The following TOPBP1 variants were observed in gnomAD, a reference collection of about 807,000 sequenced individuals.
TOPBP1 encodes DNA topoisomerase 2-binding protein 1.
In TOPBP1, 28 loss-of-function variants were observed where a neutral mutation model predicts 167.7. That is an observed-to-expected ratio of 0.17 (90% CI 0.12 to 0.23). The LOEUF (loss-of-function observed/expected upper bound fraction) is 0.23. Among genes scored for constraint, TOPBP1 ranks in the 10% least tolerant of loss-of-function variants. The pLI is 1.00. For synonymous variants in TOPBP1, 598 were observed against 611.4 expected (o/e 0.98, Z 0.32); for missense variants, 1,554 against 1,809.6 (o/e 0.86, Z 2.56).
At chr3:133,604,626 A>G (rs1321831531) in intron 27 of TOPBP1, among the ~76,000 whole-genome samples, 1 of 151,920 alleles carries the variant, frequency 6.6e-6, no homozygotes, top group African/African-American at 2.4e-5. Flanking sequence ...AACCACATAT[A>G]AAGAAAACTC....
chr3:133,618,161 G>C (rs1246157829), intron 21 of TOPBP1, 52 bp downstream of exon 21: 3 of 1,438,402 alleles, frequency 2.1e-6, no homozygotes, highest in East Asian at 2.3e-5. Context: ...TTATTTTTAA[G>C]AGGTCAACAT....
chr3:133,634,536 A>G (rs1935602719), intron 14 of TOPBP1, among the ~76,000 whole-genome samples: 1 of 152,130 alleles, frequency 6.6e-6, no homozygotes, highest in South Asian at 2.1e-4. Flanking sequence ...GATAAAAGAT[A>G]AAAGAAAAAT....
At chr3:133,608,405 G>T in intron 27 of TOPBP1, 130 bp downstream of exon 27, 1 of 984,158 alleles carries the variant, frequency 1.0e-6, no homozygotes, top group Non-Finnish European at 1.5e-6. Context: ...GAAAGGGCTG[G>T]AATAGAAGAG....
chr3:133,617,054 T>TA (rs1468524806), intron 22 of TOPBP1, 106 bp downstream of exon 22: 2 of 1,415,136 alleles, frequency 1.4e-6, no homozygotes, highest in East Asian at 4.7e-5. Context: ...ATGCAAAAAA[T>TA]AGTTTTCAAC....
intron 11 of TOPBP1, 116 bp downstream of exon 11, chr3:133,643,904 G>T: frequency 9.2e-7 from 1 of 1,085,354 alleles, no homozygotes; most frequent in Non-Finnish European, 1.3e-6. Flanking sequence ...AAAATCAAGA[G>T]TGTTCAAGTC....
chr3:133,640,681 T>A lies in TOPBP1; in HGVS notation c.2022-511A>T, dbSNP rs144529385. 6.5e-3 allele frequency among the ~76,000 whole-genome samples: 994 copies of A among 152,236 alleles called. 8 individuals are homozygous for A. The highest frequency in any genetic ancestry group is 8.8e-3 in the Non-Finnish European group (597 of 68,008). On this transcript the variant is annotated intron_variant, in intron 12 of 27. Coordinates refer to ENST00000260810, the MANE Select transcript of TOPBP1 (RefSeq NM_007027.4). ...CTGCCTCAGCCTCCTAAAGTTGGGA[T>A]TACAGGCGTGAACCACCTCACACAG...
intron 10 of TOPBP1, among the ~76,000 whole-genome samples, chr3:133,645,407 A>G (rs1414616073): frequency 6.6e-6 from 1 of 152,218 alleles, no homozygotes; most frequent in Non-Finnish European, 1.5e-5. Flanking sequence ...TATACTTATA[A>G]TTTACAGATA....
chr3:133,601,274 T>C lies in TOPBP1; in HGVS notation c.4545A>G (p.Lys1515=), dbSNP rs149550705. ...QKRKAPTEKN[K]IKRPRVH ...ATTAGTGTACTCTAGGTCGTTTGAT[T>C]TTATTTTTTTCTGTAGGAGCTTTCC... The change falls in exon 28 of 28, where the codon AAA becomes AAG. Residue 1515 remains lysine, a synonymous_variant. Coordinates refer to ENST00000260810, the MANE Select transcript of TOPBP1 (RefSeq NM_007027.4). 736 of 1,606,068 alleles carry C rather than the reference T, an allele frequency of 4.6e-4. 1 individual carries two copies. The African/African-American group carries it at 8.6e-3, about 19-fold the overall frequency.
At chr3:133,623,515 T>C (rs1322634209) in intron 17 of TOPBP1, 58 bp from the exon 18 acceptor site, 2 of 1,525,566 alleles carry the variant, frequency 1.3e-6, no homozygotes, top group Non-Finnish European at 8.8e-7. Flanking sequence ...GAATAGATGA[T>C]GTTAAGTAGG....
At chr3:133,639,233 T>C (rs1235338207) in intron 13 of TOPBP1, among the ~76,000 whole-genome samples, 2 of 152,302 alleles carry the variant, frequency 1.3e-5, no homozygotes, top group African/African-American at 4.8e-5. Flanking sequence ...AATGATAGAC[T>C]GGATTAAGAA....
chr3:133,623,977 T>G, intron 17 of TOPBP1, 75 bp downstream of exon 17: 22 of 1,492,896 alleles, frequency 1.5e-5, no homozygotes, highest in African/African-American at 2.8e-5. Flanking sequence ...TGAAAACTCT[T>G]GAGTTAGTGC....
intron 16 of TOPBP1, among the ~76,000 whole-genome samples, chr3:133,625,894 C>T (rs187657614): frequency 2.0e-3 from 311 of 152,224 alleles, no homozygotes; most frequent in African/African-American, 6.9e-3. Flanking sequence ...TCCCTTTCTG[C>T]GTAGTGGTAT....
intron 14 of TOPBP1, among the ~76,000 whole-genome samples, chr3:133,633,201 C>T (rs1451361790): frequency 2.6e-5 from 4 of 152,142 alleles, no homozygotes; most frequent in South Asian, 2.1e-4. Flanking sequence ...TCAATGTCTC[C>T]GATTCTTCTC....
chr3:133,620,372 T>C, intron 19 of TOPBP1, 25 bp from the exon 20 acceptor site: 4 of 1,598,270 alleles, frequency 2.5e-6, no homozygotes, highest in Non-Finnish European at 3.4e-6. Context: ...AAATACACCA[T>C]TCAAGGTAAG....
chr3:133,643,310 A>G lies in TOPBP1; in HGVS notation c.1911T>C (p.Val637=), dbSNP rs17301889. The change falls in exon 12 of 28, where the codon GTT becomes GTC. Residue 637 remains valine, a synonymous_variant. Coordinates refer to ENST00000260810, the MANE Select transcript of TOPBP1 (RefSeq NM_007027.4). Reference sequence around the variant, plus strand: ...AAGGAGTCATTCCTGTCATTACTGGAACTGGTGTGAAGAGAGGATTCGACT... The same window carrying G: ...AAGGAGTCATTCCTGTCATTACTGGGACTGGTGTGAAGAGAGGATTCGACT... ...DPKSNPLFTP[V]PVMTGMTPLE... 0.18 allele frequency: 286,754 copies of G among 1,611,570 alleles called. 28,148 individuals carry two copies. Among genetic ancestry groups the G allele is most frequent in the Non-Finnish European group, 0.21 (242,265 of 1,178,644 alleles).
chr3:133,628,552 A>G lies in TOPBP1; in HGVS notation c.2694+8T>C. 6.2e-7 allele frequency: 1 copy of G among 1,610,086 alleles called. No homozygotes were observed. The highest frequency in any genetic ancestry group is 8.5e-7 in the Non-Finnish European group (1 of 1,178,088). ...AAAACTTCCTTTTAATAAGAGAACT[A>G]ATCCTACCTTCTCTGACTGGGCCTC... On this transcript the variant is annotated splice_region_variant and intron_variant, in intron 15 of 27. Coordinates refer to ENST00000260810, the MANE Select transcript of TOPBP1 (RefSeq NM_007027.4).
rs563937066 is a variant in TOPBP1 at position 133,612,517 on chromosome 3, T to C, written c.3907A>G (p.Thr1303Ala). 3.7e-6 allele frequency: 6 copies of C among 1,613,870 alleles called. No individual in the cohort carries two copies. The highest frequency in any genetic ancestry group is 3.3e-5 in the Admixed American group (2 of 59,998). The change falls in exon 24 of 28, where the codon ACC (threonine) becomes GCC (alanine). Residue 1303 changes from threonine to alanine, a missense_variant. By Grantham distance (58) the Thr-to-Ala change is moderately conservative. Transcript: ENST00000260810. ...LVIEKQCFDP[T>A]CTHIVVGHPL... ...TGTCCCACAACAATGTGTGTACAGGTGGGATCAAAGCACTGCTTTTCTATC... is the reference window on the plus strand; with the variant it reads ...TGTCCCACAACAATGTGTGTACAGGCGGGATCAAAGCACTGCTTTTCTATC...
chr3:133,650,023 C>T, intron 8 of TOPBP1, 80 bp from the exon 9 acceptor site: 2 of 1,204,994 alleles, frequency 1.7e-6, no homozygotes, highest in South Asian at 3.7e-5. Flanking sequence ...TCTAAATCCA[C>T]TGTGTATAAA....
intron 4 of TOPBP1, 21 bp from the exon 5 acceptor site, chr3:133,656,878 A>G: frequency 6.6e-7 from 1 of 1,508,596 alleles, no homozygotes; most frequent in East Asian, 2.4e-5. Flanking sequence ...AAAAGAGAAC[A>G]CATTAATGCT....
Sources: gnomAD v4.1 joint callset for allele counts (sites outside exome capture counted in the v4.1 genomes callset) on GRCh38, gnomAD v4.1.1 for gene constraint, MANE v1.5 for transcripts, NCBI Gene and HGNC (gene_info 2026-07-23, HGNC 2026-07-21) for gene names.